RAD54L2: variants seen among roughly 807,000 people sequenced by gnomAD.
RAD54L2 encodes the protein helicase ARIP4.
A neutral mutation model predicts 138.4 loss-of-function variants in RAD54L2; 27 were observed. The ratio of observed to expected loss-of-function variants is 0.20; its 90% CI spans 0.14 to 0.27. The LOEUF is 0.27. Ranked by LOEUF, RAD54L2 falls within the 10% of genes least tolerant of loss-of-function variation. The pLI is 1.00. For synonymous variants in RAD54L2, 644 were observed against 723.2 expected (o/e 0.89, Z 1.76); for missense variants, 1,396 against 1,890.2 (o/e 0.74, Z 4.85).
intron 2 of RAD54L2, among the ~76,000 whole-genome samples, chr3:51,553,568 C>T (rs762570752): frequency 9.9e-5 from 15 of 152,218 alleles, no homozygotes; most frequent in South Asian, 2.1e-4. Flanking sequence ...TGCTTATGTC[C>T]GTAATTCCAG....
intron 2 of RAD54L2, among the ~76,000 whole-genome samples, chr3:51,555,580 T>A (rs1426619404): frequency 6.6e-6 from 1 of 152,050 alleles, no homozygotes; most frequent in Admixed American, 6.6e-5. Context: ...TGCTTGAACC[T>A]GGGGGAGGCG....
chr3:51,564,976 C>T (rs761880300), intron 2 of RAD54L2, among the ~76,000 whole-genome samples: 44 of 152,146 alleles, frequency 2.9e-4, no homozygotes, highest in Non-Finnish European at 5.7e-4. Context: ...AGCCTTATTT[C>T]TTCCCATTTT....
At chr3:51,610,463 G>A (rs1271879501) in intron 3 of RAD54L2, among the ~76,000 whole-genome samples, 2 of 151,978 alleles carry the variant, frequency 1.3e-5, no homozygotes, top group Non-Finnish European at 2.9e-5. Flanking sequence ...AATTAGCTGG[G>A]CGTGCTAGCA....
rs1700905793 is a variant in RAD54L2, at chr3:51,633,709, G to A, written c.958G>A (p.Asp320Asn). ...AACTTTGCAAGTGATCTCTTTCATC[G>A]ACGTCCTCTTCCGCCACACGCCAGC... ...GKTLQVISFI[D>N]VLFRHTPAKT... The change falls in exon 8 of 23, where the codon GAC becomes AAC. Residue 320 changes from aspartate to asparagine, a missense_variant. Around this residue, in one of 7 missense-constraint regions of RAD54L2, gnomAD observed 169 missense variants for 235.6 expected, o/e 0.72. Coordinates refer to ENST00000684192, the MANE Select transcript of RAD54L2 (RefSeq NM_015106.4). 1.2e-6 allele frequency: 2 copies of A among 1,613,892 alleles called. No homozygotes were observed. The highest frequency in any genetic ancestry group is 1.7e-6 in the Non-Finnish European group (2 of 1,179,878).
intron 2 of RAD54L2, among the ~76,000 whole-genome samples, chr3:51,588,297 G>A (rs1037389269): frequency 2.2e-4 from 33 of 151,714 alleles, no homozygotes. Flanking sequence ...CACTTTGGGA[G>A]GCTGAGGCGG....
rs1183305212 is a variant in RAD54L2 at position 51,639,384 on chromosome 3, G to T, written c.1861-35G>T. 1.9e-6 allele frequency: 3 copies of T among 1,604,076 alleles called. No homozygotes were observed. In the Admixed American group the frequency reaches 5.2e-5, roughly 28 times the overall value. Reference sequence around the variant, plus strand: ...CTGGGACACCCTTGGAATGTTTTTTGTCCTGTGTCTCCTCTCCCTTTCCTT... The same window carrying T: ...CTGGGACACCCTTGGAATGTTTTTTTTCCTGTGTCTCCTCTCCCTTTCCTT... On this transcript the variant is annotated intron_variant, in intron 12 of 22. Coordinates refer to ENST00000684192, the MANE Select transcript of RAD54L2 (RefSeq NM_015106.4).
chr3:51,633,469 AT>A, intron 7 of RAD54L2, 107 bp from the exon 8 acceptor site: 1 of 1,103,472 alleles, frequency 9.1e-7, no homozygotes, highest in Non-Finnish European at 1.3e-6. Context: ...CCTGCTATCT[AT>A]TATAACGCCT....
intron 3 of RAD54L2, among the ~76,000 whole-genome samples, chr3:51,605,983 G>A (rs1458537751): frequency 6.6e-6 from 1 of 152,098 alleles, no homozygotes; most frequent in Non-Finnish European, 1.5e-5. Flanking sequence ...TAAGTCATTC[G>A]TAACTGTTGG....
At position 51,635,712 on chromosome 3, in the gene RAD54L2, C is replaced by T. The variant is rs138600830; in HGVS notation, c.1262C>T (p.Pro421Leu). ...AAGAAATCATTTGCCACAGGTAGAC[C>T]GAAGAAAACCAAGAAGCGTTCTCAC... ...TLKKSFATGR[P>L]KKTKKRSHPV... The change falls in exon 10 of 23, where the codon CCG (proline) becomes CTG (leucine). Residue 421 changes from proline to leucine, a missense_variant. By Grantham distance (98) the Pro-to-Leu change is moderately conservative. Around this residue, in one of 7 missense-constraint regions of RAD54L2, gnomAD observed 169 missense variants for 235.6 expected, o/e 0.72. Coordinates refer to ENST00000684192, the MANE Select transcript of RAD54L2 (RefSeq NM_015106.4). 1.4e-4 allele frequency: 223 copies of T among 1,613,522 alleles called. No individual in the cohort carries two copies. The African/African-American group carries it at 2.7e-3, about 20-fold the overall frequency.
chr3:51,545,006 G>A (rs1033832509), intron 2 of RAD54L2, among the ~76,000 whole-genome samples: 2 of 152,140 alleles, frequency 1.3e-5, no homozygotes, highest in Non-Finnish European at 2.9e-5. Flanking sequence ...AGGAAATAAC[G>A]ATTATTTGAG....
intron 19 of RAD54L2, among the ~76,000 whole-genome samples, chr3:51,648,676 G>T (rs1390170585): frequency 6.6e-6 from 1 of 152,190 alleles, no homozygotes; most frequent in African/African-American, 2.4e-5. Flanking sequence ...GTTTGGAGTG[G>T]ACCTCCAGCA....
intron 2 of RAD54L2, among the ~76,000 whole-genome samples, chr3:51,585,347 T>A (rs1454133309): frequency 1.3e-5 from 2 of 152,174 alleles, no homozygotes; most frequent in Non-Finnish European, 2.9e-5. Flanking sequence ...AGGACCATAA[T>A]GACATCTGTG....
intron 9 of RAD54L2, 94 bp downstream of exon 9, chr3:51,634,129 G>A (rs1700917956): frequency 7.0e-7 from 1 of 1,434,646 alleles, no homozygotes; most frequent in Non-Finnish European, 9.4e-7. Flanking sequence ...TGTAGCCTGT[G>A]CATCTAGATT....
Position 51,663,731 on chromosome 3 carries a change from A to T in RAD54L2, c.*311A>T, listed in dbSNP as rs1701849374. 3.2e-6 allele frequency: 1 copy of T among 311,170 alleles called. No individual in the cohort carries two copies. Among genetic ancestry groups the T allele is most frequent in the African/African-American group, 2.2e-5 (1 of 45,926 alleles). 19.3% of individuals were successfully genotyped at this position (311,170 alleles called of 1,614,324 possible). A position where few individuals can be genotyped will look rare whatever the true frequency, so the allele number is the denominator to read the frequency against. On this transcript the variant is annotated 3_prime_UTR_variant, in exon 23 of 23. Transcript: ENST00000684192. ...ATGCTGTCTGCTTGCTTGCTCGCCC[A>T]TCTGAGTGTAGAAGCGCACATCCCA...
chr3:51,597,165 CAAAAAA>C (rs145812228), intron 3 of RAD54L2, among the ~76,000 whole-genome samples: 1 of 49,270 alleles, frequency 2.0e-5, no homozygotes, highest in East Asian at 6.6e-4. Flanking sequence ...GACTTCATTT[CAAAAAA>C]AAAAAAAAAA....
Position 51,639,664 on chromosome 3 carries a change from T to C in RAD54L2, c.2106T>C (p.Tyr702=), listed in dbSNP as rs754852597. ...AGCGAGGCAACAACATTGTCACATA[T>C]GAATGGGTGAGTCAAGCAGATCCTT... ...FQERGNNIVT[Y]EWAKDLLTNY... Residue 702 remains tyrosine, a synonymous_variant, in exon 13 of 23, where the codon TAT becomes TAC. Transcript: ENST00000684192. 2 of 1,613,452 alleles carry C rather than the reference T, an allele frequency of 1.2e-6. No homozygotes were observed. Among genetic ancestry groups the C allele is most frequent in the Admixed American group, 1.7e-5 (1 of 59,926 alleles).
chr3:51,561,633 C>G (rs2106639481), intron 2 of RAD54L2, among the ~76,000 whole-genome samples: 1 of 152,072 alleles, frequency 6.6e-6, no homozygotes, highest in East Asian at 1.9e-4. Flanking sequence ...GCAATCACGG[C>G]TCACTGCAGC....
At chr3:51,576,275 C>T (rs1480678170) in intron 2 of RAD54L2, among the ~76,000 whole-genome samples, 12 of 152,106 alleles carry the variant, frequency 7.9e-5, no homozygotes, top group African/African-American at 2.9e-4. Flanking sequence ...ATTTTTGCAT[C>T]GATGTTCATC....
intron 2 of RAD54L2, among the ~76,000 whole-genome samples, chr3:51,560,394 C>G (rs1295054016): frequency 6.9e-6 from 1 of 145,616 alleles, no homozygotes; most frequent in East Asian, 2.0e-4. Flanking sequence ...GAGTCTCGCT[C>G]TGTCACCTAG....
Sources: allele counts gnomAD v4.1 joint callset (sites outside exome capture counted in the v4.1 genomes callset), GRCh38; gene constraint gnomAD v4.1.1; regional missense constraint gnomAD v4.1.1; transcripts MANE v1.5; gene names NCBI Gene and HGNC (gene_info 2026-07-23, HGNC 2026-07-21).